DMD: variants seen among roughly 807,000 people sequenced by gnomAD.
DMD encodes the protein mutant dystrophin.
Under a neutral mutation model 330.1 loss-of-function variants are expected in DMD, and 63 were observed. That is an observed-to-expected ratio of 0.19 (90% CI 0.16 to 0.24). The LOEUF (loss-of-function observed/expected upper bound fraction) is 0.24. Among genes scored for constraint, DMD ranks in the 10% least tolerant of loss-of-function variants. The probability of loss-of-function intolerance (pLI) is 1.00; values close to 1 mark genes in which losing one functional copy is unlikely to be tolerated. For missense variants in DMD, 3,344 were observed against 2,684.1 expected (o/e 1.25, Z -5.43); for synonymous variants, 1,223 against 959.8 (o/e 1.27, Z -5.07).
rs984000597 is a variant in DMD at position 32,309,371 on chromosome X, G to T, written c.6117+711C>A. ...TGGGTATACTATAATATTTCATTTT[G>T]AGTGTAAAATGTACGATCATGAAAA... On this transcript the variant is annotated intron_variant, in intron 42 of 78. Transcript: ENST00000357033. Among the ~76,000 whole-genome samples the T allele has an allele frequency of 7.2e-5, 8 of 111,055 alleles. No homozygotes were observed. In the Admixed American group the frequency reaches 7.7e-4, roughly 11 times the overall value.
At chrX:31,466,711 G>T (rs1174449005) in intron 59 of DMD, among the ~76,000 whole-genome samples, 1 of 111,711 alleles carries the variant, frequency 9.0e-6, no homozygotes, top group Non-Finnish European at 1.9e-5. Context: ...GTCAATGGTA[G>T]CTTGATGGAG....
At chrX:33,320,041 T>C (rs889196298) in intron 1 of DMD, among the ~76,000 whole-genome samples, 6 of 111,682 alleles carry the variant, frequency 5.4e-5, no homozygotes, top group African/African-American at 2.0e-4. Context: ...TATGGCAGCA[T>C]CAGAAGTCTC....
intron 1 of DMD, among the ~76,000 whole-genome samples, chrX:33,256,004 G>A (rs1171465139): frequency 9.0e-6 from 1 of 111,015 alleles, no homozygotes; most frequent in Non-Finnish European, 1.9e-5. Context: ...TCTGACCATG[G>A]GTTTGAGTGA....
chrX:33,010,503 C>A (rs2093682099), intron 2 of DMD, among the ~76,000 whole-genome samples: 1 of 110,245 alleles, frequency 9.1e-6, no homozygotes, highest in African/African-American at 3.3e-5. Context: ...CTCATTGGAG[C>A]ATTCTGGATT....
chrX:32,508,954 G>A (rs1244721885), intron 18 of DMD, among the ~76,000 whole-genome samples: 1 of 109,838 alleles, frequency 9.1e-6, no homozygotes, highest in African/African-American at 3.3e-5. Flanking sequence ...GGGACTACAG[G>A]CGCCCGCAAC....
At chrX:33,250,787 C>T (rs1412937494) in intron 1 of DMD, among the ~76,000 whole-genome samples, 2 of 110,709 alleles carry the variant, frequency 1.8e-5, no homozygotes, top group Non-Finnish European at 3.8e-5. Flanking sequence ...CAAAACTCTA[C>T]TATATATTCT....
rs190966791 is a variant in DMD, at chrX:32,550,475, T to G, written c.1993-5141A>C. ...AAAAGATGTAACATACCAGAATCTC[T>G]GGGACACACACAAAGCAGCGTTAAG... is the stretch of plus-strand genomic sequence containing the variant. On this transcript the variant is annotated intron_variant, in intron 16 of 78. Coordinates refer to ENST00000357033, the MANE Select transcript of DMD (RefSeq NM_004006.3). Among the ~76,000 whole-genome samples, 666 of 111,401 alleles carry G rather than the reference T, an allele frequency of 6.0e-3. 2 individuals carry two copies. The highest frequency in any genetic ancestry group is 8.9e-3 in the Non-Finnish European group (474 of 53,082).
intron 60 of DMD, among the ~76,000 whole-genome samples, chrX:31,440,020 A>T (rs1229842093): frequency 8.9e-6 from 1 of 111,906 alleles, no homozygotes; most frequent in Non-Finnish European, 1.9e-5. Context: ...TGGGTTCATT[A>T]ATCCATTGGT....
At chrX:32,532,728 G>T (rs1041470771) in intron 17 of DMD, among the ~76,000 whole-genome samples, 2 of 112,001 alleles carry the variant, frequency 1.8e-5, no homozygotes, top group African/African-American at 6.5e-5. Context: ...ACTTTCTCAC[G>T]TGTGAGAGTA....
chrX:31,134,303 TA>T, intron 76 of DMD, 109 bp from the exon 77 acceptor site: 2 of 612,251 alleles, frequency 3.3e-6, no homozygotes, highest in Non-Finnish European at 2.5e-6. Context: ...CACTTGCTCA[TA>T]AATAACAAAG....
intron 44 of DMD, among the ~76,000 whole-genome samples, chrX:32,063,836 A>G (rs2096244221): frequency 9.0e-6 from 1 of 111,477 alleles, no homozygotes; most frequent in African/African-American, 3.2e-5. Context: ...ATTAAGATTT[A>G]CTAAACAGAA....
chrX:32,402,020 G>A (rs768969631), intron 30 of DMD, among the ~76,000 whole-genome samples: 17 of 112,011 alleles, frequency 1.5e-4, no homozygotes, highest in Non-Finnish European at 2.6e-4. Context: ...TTATTAAAGT[G>A]GAGAAAGCAG....
chrX:31,300,555 G>C (rs765673251), intron 62 of DMD, among the ~76,000 whole-genome samples: 1 of 111,680 alleles, frequency 9.0e-6, no homozygotes, highest in African/African-American at 3.2e-5. Context: ...ATGTAAAGTA[G>C]GAAGTTAGAG....
chrX:32,538,606 G>A (rs2048211166), intron 17 of DMD, among the ~76,000 whole-genome samples: 1 of 111,283 alleles, frequency 9.0e-6, no homozygotes, highest in Non-Finnish European at 1.9e-5. Context: ...CCTTTATGGG[G>A]GCTGTCATAA....
intron 55 of DMD, among the ~76,000 whole-genome samples, chrX:31,596,322 T>C (rs963497615): frequency 2.7e-5 from 3 of 112,171 alleles, no homozygotes; most frequent in African/African-American, 9.7e-5. Context: ...TAAACTTCTT[T>C]GGGCAAAATT....
chrX:32,455,231 T>C (rs1312322774), intron 25 of DMD, among the ~76,000 whole-genome samples: 1 of 111,414 alleles, frequency 9.0e-6, no homozygotes, highest in African/African-American at 3.2e-5. Flanking sequence ...TTAAATATTC[T>C]AAGAACTTCA....
At position 32,371,865 on chromosome X, in the gene DMD, C is replaced by T. The variant is rs766273224; in HGVS notation, c.4846-6666G>A. On this transcript the variant is annotated intron_variant, in intron 34 of 78. Coordinates refer to ENST00000357033, the MANE Select transcript of DMD (RefSeq NM_004006.3). ...GACTGTAGTAGGTGATAGATACACA[C>T]GGGTTTTCATTTTATTATTTTAATG... is the stretch of plus-strand genomic sequence containing the variant. Among the ~76,000 whole-genome samples the T allele has an allele frequency of 3.6e-5, 4 of 111,380 alleles. No homozygotes were observed. In the South Asian group the frequency reaches 1.1e-3, roughly 31 times the overall value.
At chrX:31,898,279 A>T (rs1416302874) in intron 47 of DMD, among the ~76,000 whole-genome samples, 25 of 110,032 alleles carry the variant, frequency 2.3e-4, no homozygotes, top group African/African-American at 7.9e-4. Context: ...TTTAAAGTTC[A>T]TATGGAACCA....
chrX:31,711,692 G>A (rs1291816764), intron 52 of DMD, among the ~76,000 whole-genome samples: 1 of 110,152 alleles, frequency 9.1e-6, no homozygotes, highest in Non-Finnish European at 1.9e-5. Context: ...CTCATTGTAA[G>A]AGTGACTTTA....
Sources: allele counts gnomAD v4.1 joint callset (sites outside exome capture counted in the v4.1 genomes callset), GRCh38; gene constraint gnomAD v4.1.1; transcripts MANE v1.5; gene names NCBI Gene and HGNC (gene_info 2026-07-23, HGNC 2026-07-21).